SCYL2: variants seen among roughly 807,000 people sequenced by gnomAD.
SCYL2 encodes SCY1-like protein 2.
In SCYL2, 36 loss-of-function variants were observed where a neutral mutation model predicts 100.4. The observed-to-expected ratio is 0.36, with a 90% confidence interval of 0.27 to 0.47. The LOEUF (loss-of-function observed/expected upper bound fraction) is 0.47, where lower values mean the gene tolerates loss of function less well. Ranked by LOEUF, SCYL2 falls within the 20% of genes least tolerant of loss-of-function variation. The pLI, the probability that SCYL2 is intolerant of heterozygous loss-of-function variation, is 1.00. For missense variants in SCYL2, 902 were observed against 1,083.9 expected (o/e 0.83, Z 2.36); for synonymous variants, 330 against 359.2 (o/e 0.92, Z 0.92).
chr12:100,284,457 T>TG (rs1257376104), intron 2 of SCYL2, among the ~76,000 whole-genome samples: 4 of 152,214 alleles, frequency 2.6e-5, no homozygotes, highest in African/African-American at 9.7e-5. Flanking sequence ...TCCTTCAACT[T>TG]GCAAGGGTCA....
rs1318092945 is a variant in SCYL2, at chr12:100,339,037, G to C, written c.2655G>C (p.Gln885His). 1 of 1,614,048 alleles carries C rather than the reference G, an allele frequency of 6.2e-7. No individual in the cohort carries two copies. Among genetic ancestry groups the C allele is most frequent in the Non-Finnish European group, 8.5e-7 (1 of 1,179,990 alleles). Residue 885 changes from glutamine (Q) to histidine (H), a missense_variant, in exon 18 of 18, where the codon CAG becomes CAC. By Grantham distance (24) the Gln-to-His change is conservative. Coordinates refer to ENST00000360820, the MANE Select transcript of SCYL2 (RefSeq NM_017988.6). ...PTMGSSVMGT[Q>H]MNVIGQSAFG... Reference sequence around the variant, plus strand: ...TGGGCAGTTCAGTAATGGGGACACAGATGAACGTGATAGGACAATCTGCTT... The same window carrying C: ...TGGGCAGTTCAGTAATGGGGACACACATGAACGTGATAGGACAATCTGCTT...
intron 10 of SCYL2, among the ~76,000 whole-genome samples, chr12:100,318,854 C>G (rs774369966): frequency 6.6e-6 from 1 of 152,132 alleles, no homozygotes; most frequent in Non-Finnish European, 1.5e-5. Flanking sequence ...TCTTAAAACA[C>G]CATATACTTT....
intron 11 of SCYL2, among the ~76,000 whole-genome samples, chr12:100,324,643 T>C (rs1283281675): frequency 6.6e-6 from 1 of 152,208 alleles, no homozygotes; most frequent in Non-Finnish European, 1.5e-5. Flanking sequence ...AAATCATTAC[T>C]GAAACAAACA....
chr12:100,323,752 T>A, intron 11 of SCYL2, 114 bp downstream of exon 11: 2 of 620,380 alleles, frequency 3.2e-6, no homozygotes, highest in South Asian at 4.3e-5. Context: ...ATCTTGGCTG[T>A]AGATAACTTG....
intron 13 of SCYL2, 49 bp downstream of exon 13, chr12:100,329,368 T>G: frequency 1.1e-6 from 1 of 886,770 alleles, no homozygotes; most frequent in East Asian, 2.4e-5. Context: ...TACTTTTTTC[T>G]TGGCATTAGA....
At chr12:100,316,938 C>T (rs1284749779) in intron 9 of SCYL2, among the ~76,000 whole-genome samples, 1 of 152,026 alleles carries the variant, frequency 6.6e-6, no homozygotes, top group Non-Finnish European at 1.5e-5. Context: ...CCTGTCTCTT[C>T]AAACAAATAC....
chr12:100,335,643 T>A lies in SCYL2; in HGVS notation c.1881T>A (p.Asn627Lys). ...QEQQKSLDIGNQMNVSEEMKV... is the reference protein window; with the variant it reads ...QEQQKSLDIGKQMNVSEEMKV... The stretch of plus-strand genomic sequence containing the variant: ...CCTACAGATCTTTGGATATAGGAAA[T>A]CAAATGAATGTTTCTGAGGAGATGA... Residue 627 changes from asparagine (N) to lysine (K), a missense_variant, in exon 15 of 18, where the codon AAT becomes AAA. By Grantham distance (94) the Asn-to-Lys change is moderately conservative. Coordinates refer to ENST00000360820, the MANE Select transcript of SCYL2 (RefSeq NM_017988.6). The A allele has an allele frequency of 6.2e-7, 1 of 1,607,532 alleles. No homozygotes were observed. Among genetic ancestry groups the A allele is most frequent in the Non-Finnish European group, 8.5e-7 (1 of 1,175,684 alleles).
rs940421105 is a variant in SCYL2, at chr12:100,312,751, G to A, written c.852+98G>A. ...GTTCAGGAAATTCTTTAAATGACAT[G>A]AGTATCTCATTTTAAGTTTGCATAA... On this transcript the variant is annotated intron_variant, in intron 6 of 17. Transcript: ENST00000360820. The A allele has an allele frequency of 7.9e-6, 6 of 762,402 alleles. No individual in the cohort carries two copies. In the African/African-American group the frequency reaches 1.1e-4, roughly 14 times the overall value. 47.2% of individuals were successfully genotyped at this position (762,402 alleles called of 1,614,324 possible).
Position 100,328,005 on chromosome 12 carries a change from C to T in SCYL2, c.1643-1196C>T, listed in dbSNP as rs148205513. Reference sequence around the variant, plus strand: ...AGAAGTTTGTCTTCTTGGCTGGATGCAGTGGCTGACACCTGTATTCCCAGC... The same window carrying T: ...AGAAGTTTGTCTTCTTGGCTGGATGTAGTGGCTGACACCTGTATTCCCAGC... On this transcript the variant is annotated intron_variant, in intron 12 of 17. Coordinates refer to ENST00000360820, the MANE Select transcript of SCYL2 (RefSeq NM_017988.6). Among the ~76,000 whole-genome samples, 83 of 152,204 alleles carry T rather than the reference C, an allele frequency of 5.5e-4. No homozygotes were observed. In the East Asian group the frequency reaches 8.1e-3, roughly 15 times the overall value.
In SCYL2 at chr12:100,340,812, A is replaced by C. The variant is rs1414493018; in HGVS notation, c.*1640A>C. On this transcript the variant is annotated 3_prime_UTR_variant, in exon 18 of 18. Coordinates refer to ENST00000360820, the MANE Select transcript of SCYL2 (RefSeq NM_017988.6). ...ATGCATCCAATAAATGAAAAACAGT[A>C]GGAAGATCAAATGTTTTTGTCAAAT... 2 of 152,098 alleles carry C rather than the reference A, an allele frequency of 1.3e-5. No homozygotes were observed. Among genetic ancestry groups the C allele is most frequent in the Admixed American group, 6.5e-5 (1 of 15,280 alleles). The allele number at this position is 152,098 out of a possible 1,614,324, so 9.4% of individuals were successfully genotyped here.
At chr12:100,288,323 T>G (rs1321583925) in intron 2 of SCYL2, among the ~76,000 whole-genome samples, 1 of 152,146 alleles carries the variant, frequency 6.6e-6, no homozygotes, top group Non-Finnish European at 1.5e-5. Flanking sequence ...TTTTCTTTTT[T>G]TCTTTTAAGA....
At chr12:100,321,398 C>A (rs1344882943) in intron 10 of SCYL2, among the ~76,000 whole-genome samples, 1 of 152,206 alleles carries the variant, frequency 6.6e-6, no homozygotes, top group African/African-American at 2.4e-5. Flanking sequence ...CTCTCATAAA[C>A]TGCCTGAGAT....
rs1015231994 is a variant in SCYL2, at chr12:100,340,495, G to A, written c.*1323G>A. 3.9e-5 allele frequency: 6 copies of A among 151,988 alleles called. No homozygotes were observed. Among genetic ancestry groups the A allele is most frequent in the Non-Finnish European group, 8.8e-5 (6 of 67,900 alleles). The allele number at this position is 151,988 out of a possible 1,614,324, so 9.4% of individuals were successfully genotyped here. A position where few individuals can be genotyped will look rare whatever the true frequency, so the allele number is the denominator to read the frequency against. On this transcript the variant is annotated 3_prime_UTR_variant, in exon 18 of 18. Transcript: ENST00000360820. Reference sequence around the variant, plus strand: ...TATGTATTATAGTTGCTGCCATAGAGTTGATGGTTTTTAATTATCTGGAAC... The same window carrying A: ...TATGTATTATAGTTGCTGCCATAGAATTGATGGTTTTTAATTATCTGGAAC...
rs138145895 is a variant in SCYL2 at position 100,273,762 on chromosome 12, A to G, written c.-29+5970A>G. 5.3e-5 allele frequency among the ~76,000 whole-genome samples: 8 copies of G among 152,284 alleles called. No homozygotes were observed. The East Asian group carries it at 1.5e-3, about 29-fold the overall frequency. On this transcript the variant is annotated intron_variant, in intron 1 of 17. Transcript: ENST00000360820. ...CCCCTTACTTTATAGTTTTGAGCCC[A>G]TCTTAATATTTCCATAGCATGTACA...
At chr12:100,268,818 C>T (rs2096283449) in intron 1 of SCYL2, among the ~76,000 whole-genome samples, 1 of 152,214 alleles carries the variant, frequency 6.6e-6, no homozygotes, top group Admixed American at 6.5e-5. Context: ...CCGTGGGTAG[C>T]ATCACTATCC....
chr12:100,321,595 T>C (rs867316307), intron 10 of SCYL2, among the ~76,000 whole-genome samples: 2 of 152,348 alleles, frequency 1.3e-5, no homozygotes, highest in East Asian at 1.9e-4. Context: ...TTCTGAGTTA[T>C]GCTTGCTTTA....
At chr12:100,310,427 A>G (rs1047107418) in intron 4 of SCYL2, among the ~76,000 whole-genome samples, 2 of 152,084 alleles carry the variant, frequency 1.3e-5, no homozygotes, top group African/African-American at 4.8e-5. Context: ...GGCCATTCAT[A>G]TGTCTTCTTT....
At chr12:100,304,402 T>G (rs1264798479) in intron 4 of SCYL2, among the ~76,000 whole-genome samples, 1 of 151,950 alleles carries the variant, frequency 6.6e-6, no homozygotes, top group Non-Finnish European at 1.5e-5. Flanking sequence ...CCTGAGGGAA[T>G]CTCCTGGTCT....
intron 3 of SCYL2, among the ~76,000 whole-genome samples, chr12:100,294,692 G>C (rs1459201180): frequency 4.0e-5 from 5 of 125,648 alleles, no homozygotes; most frequent in Non-Finnish European, 6.6e-5. Context: ...CTGGCCGGGC[G>C]GGGGGCTGAC....
Sources: gnomAD v4.1 joint callset for allele counts (sites outside exome capture counted in the v4.1 genomes callset) on GRCh38, gnomAD v4.1.1 for gene constraint, MANE v1.5 for transcripts, NCBI Gene and HGNC (gene_info 2026-07-23, HGNC 2026-07-21) for gene names.